SAMD5: variants seen among roughly 807,000 people sequenced by gnomAD.
SAMD5 encodes sterile alpha motif domain containing 5.
In SAMD5, 13 loss-of-function variants were observed where a neutral mutation model predicts 11.3. The observed-to-expected ratio is 1.15, with a 90% CI of 0.75 to 1.83. The LOEUF is 1.83. Ranked by LOEUF, SAMD5 falls within the 40% of genes most tolerant of loss-of-function variation. The probability of loss-of-function intolerance (pLI) is 0.00; values close to 1 mark genes in which losing one functional copy is unlikely to be tolerated. For synonymous variants in SAMD5, 129 were observed against 111.3 expected (o/e 1.16, Z -1.00); for missense variants, 255 against 239.1 (o/e 1.07, Z -0.44).
At chr6:147,613,993 G>A (rs1178162391) in intron 1 of SAMD5, among the ~76,000 whole-genome samples, 1 of 152,058 alleles carries the variant, frequency 6.6e-6, no homozygotes, top group East Asian at 1.9e-4. Flanking sequence ...ACACACCACA[G>A]GTGGCAAAAT....
intron 1 of SAMD5, among the ~76,000 whole-genome samples, chr6:147,654,453 C>T (rs1031983230): frequency 6.6e-6 from 1 of 152,126 alleles, no homozygotes; most frequent in Non-Finnish European, 1.5e-5. Context: ...AAAGGAGCCC[C>T]TGAACAGTTT....
intron 1 of SAMD5, among the ~76,000 whole-genome samples, chr6:147,665,999 C>T (rs9390489): frequency 0.22 from 33,955 of 152,132 alleles, 4,348 homozygotes; most frequent in Non-Finnish European, 0.29. Context: ...AGTGCAGTGG[C>T]GCAATCTCGG....
At chr6:147,611,834 G>T (rs1789791039) in intron 1 of SAMD5, among the ~76,000 whole-genome samples, 1 of 152,126 alleles carries the variant, frequency 6.6e-6, no homozygotes, top group African/African-American at 2.4e-5. Context: ...TAGAACCCTG[G>T]TTGCAGTCAT....
chr6:147,855,200 G>T, the SAMD5 span, among the ~76,000 whole-genome samples: 2 of 152,132 alleles, frequency 1.3e-5, no homozygotes, highest in South Asian at 2.1e-4. Flanking sequence ...ATTTTGGATT[G>T]ACGACATAAA....
In SAMD5 at chr6:147,692,767, C is replaced by T. The variant is rs553060413; in HGVS notation, c.163-44550C>T. Among the ~76,000 whole-genome samples the T allele has an allele frequency of 3.3e-5, 5 of 152,280 alleles. 1 individual carries two copies. The highest frequency in any genetic ancestry group is 7.2e-5 in the African/African-American group (3 of 41,544). ...ACAGCCAGAATGTTGGGGCCTTTTGCGATTCTGATCCACTAATAAGTGTTT... is the reference window on the plus strand; with the variant it reads ...ACAGCCAGAATGTTGGGGCCTTTTGTGATTCTGATCCACTAATAAGTGTTT... On this transcript the variant is annotated intron_variant, in intron 1 of 1. Coordinates refer to the SAMD5 transcript ENST00000566741.
chr6:147,694,634 T>A (rs796258779), intron 1 of SAMD5, among the ~76,000 whole-genome samples: 2 of 152,036 alleles, frequency 1.3e-5, no homozygotes, highest in African/African-American at 4.8e-5. Context: ...CTGGGCAACA[T>A]AGGGAGACCT....
Position 147,568,324 on chromosome 6 carries a change from A to G in SAMD5, c.*3868A>G. 1 of 985,304 alleles carries G rather than the reference A, an allele frequency of 1.0e-6. No homozygotes were observed. Among genetic ancestry groups the G allele is most frequent in the Non-Finnish European group, 1.2e-6 (1 of 829,818 alleles). 61.0% of individuals were successfully genotyped at this position (985,304 alleles called of 1,614,324 possible). Reference sequence around the variant, plus strand: ...CTTATAAGAGCCTGAGTATTGTAACAGGTCTCTTGCACAGGGGGTTGAAAA... The same window carrying G: ...CTTATAAGAGCCTGAGTATTGTAACGGGTCTCTTGCACAGGGGGTTGAAAA... On this transcript the variant is annotated 3_prime_UTR_variant, in exon 2 of 2. Coordinates refer to ENST00000367474, the MANE Select transcript of SAMD5 (RefSeq NM_001030060.3).
chr6:147,931,846 A>G, the SAMD5 span, among the ~76,000 whole-genome samples: 2 of 152,344 alleles, frequency 1.3e-5, no homozygotes. Flanking sequence ...AGAAATTTGC[A>G]TATCAAAAAT....
At chr6:147,782,199 A>G in the SAMD5 span, among the ~76,000 whole-genome samples, 1 of 152,146 alleles carries the variant, frequency 6.6e-6, no homozygotes, top group African/African-American at 2.4e-5. Context: ...GTCAAAGAAA[A>G]TAAATATGTT....
intron 1 of SAMD5, among the ~76,000 whole-genome samples, chr6:147,579,363 G>C (rs1789262455): frequency 6.6e-6 from 1 of 150,770 alleles, no homozygotes; most frequent in African/African-American, 2.4e-5. Flanking sequence ...TTTTGTGGAA[G>C]AAAAGTGATT....
chr6:147,867,566 T>G, the SAMD5 span, among the ~76,000 whole-genome samples: 2 of 152,174 alleles, frequency 1.3e-5, no homozygotes, highest in Non-Finnish European at 2.9e-5. Flanking sequence ...TGACCCTGCG[T>G]CTCCCCTCTC....
chr6:147,545,480 T>C (rs1473691), intron 1 of SAMD5, among the ~76,000 whole-genome samples: 114,395 of 152,028 alleles, frequency 0.75, 43,719 homozygotes, highest in East Asian at 1. Context: ...TGCAAGTTCT[T>C]GCAATAACTT....
chr6:147,899,996 T>C, the SAMD5 span, among the ~76,000 whole-genome samples: 7 of 152,200 alleles, frequency 4.6e-5, no homozygotes, highest in Admixed American at 3.9e-4. Context: ...AGCAAGAAGG[T>C]AAATTGGTGA....
At chr6:147,626,045 G>A (rs1790046574) in intron 1 of SAMD5, among the ~76,000 whole-genome samples, 1 of 151,998 alleles carries the variant, frequency 6.6e-6, no homozygotes, top group African/African-American at 2.4e-5. Flanking sequence ...GATGGGGCAG[G>A]GAGTTGAGGG....
chr6:147,694,596 C>G (rs1054224413), intron 1 of SAMD5, among the ~76,000 whole-genome samples: 1 of 143,332 alleles, frequency 7.0e-6, no homozygotes, highest in Admixed American at 6.9e-5. Flanking sequence ...GTGGGTGGAT[C>G]GCTTGAGTCC....
chr6:147,595,164 C>T (rs1236362302), intron 1 of SAMD5, among the ~76,000 whole-genome samples: 1 of 152,218 alleles, frequency 6.6e-6, no homozygotes, highest in East Asian at 1.9e-4. Flanking sequence ...GAGATTCATG[C>T]TGCCTTGAGC....
the SAMD5 span, among the ~76,000 whole-genome samples, chr6:147,831,945 C>T: frequency 1.3e-5 from 2 of 151,836 alleles, no homozygotes; most frequent in Non-Finnish European, 2.9e-5. Context: ...TTATTAAAAT[C>T]TAAAAGAAAT....
At chr6:147,838,874 A>G in the SAMD5 span, among the ~76,000 whole-genome samples, 1 of 152,230 alleles carries the variant, frequency 6.6e-6, no homozygotes, top group Admixed American at 6.5e-5. Context: ...GCACAGGCCA[A>G]TGCGGCTACA....
intron 1 of SAMD5, among the ~76,000 whole-genome samples, chr6:147,515,195 T>G (rs1323962656): frequency 1.4e-5 from 2 of 142,358 alleles, no homozygotes; most frequent in African/African-American, 5.2e-5. Flanking sequence ...TTTTTTTTTT[T>G]TTTTTTTTTT....
Sources: allele counts gnomAD v4.1 joint callset (sites outside exome capture counted in the v4.1 genomes callset), GRCh38; gene constraint gnomAD v4.1.1; transcripts MANE v1.5; gene names NCBI Gene and HGNC (gene_info 2026-07-23, HGNC 2026-07-21).